AKAP9: variants seen among roughly 807,000 people sequenced by gnomAD.
AKAP9 encodes A-kinase anchor protein 9.
Under a neutral mutation model 488.5 loss-of-function variants are expected in AKAP9, and 311 were observed. The ratio of observed to expected loss-of-function variants is 0.64; its 90% CI spans 0.58 to 0.70. The LOEUF is 0.70. AKAP9 is among the 30% of genes least tolerant of loss of function. The pLI, the probability that AKAP9 is intolerant of heterozygous loss-of-function variation, is 0.00. For missense variants in AKAP9, 4,215 were observed against 4,374.5 expected, an observed-to-expected ratio of 0.96 and a Z score of 1.03; for synonymous variants, 1,462 against 1,483.5, an observed-to-expected ratio of 0.99 and a Z score of 0.33.
rs370477610 is a variant in AKAP9, at chr7:92,003,112, T to G, written c.3195T>G (p.Ser1065Arg). ...SFENMTVGEE[S>R]KQEQLILDHL... ...AAAATATGACTGTTGGAGAAGAAAG[T>G]AAGCAAGAACAGTTGATTTTGGATC... The change falls in exon 8 of 50, where the codon AGT (serine) becomes AGG (arginine). Residue 1065 changes from serine to arginine, a missense_variant. By Grantham distance (110) the Ser-to-Arg change is moderately radical. Around this residue, in one of 5 missense-constraint regions of AKAP9, gnomAD observed 2,361 missense variants for 2,430.0 expected, o/e 0.97. Coordinates refer to ENST00000356239, the MANE Select transcript of AKAP9 (RefSeq NM_005751.5). 1 of 1,611,906 alleles carries G rather than the reference T, an allele frequency of 6.2e-7. No individual in the cohort carries two copies. The highest frequency in any genetic ancestry group is 1.3e-5 in the African/African-American group (1 of 74,894).
rs764564465 is a variant in AKAP9 at position 92,083,382 on chromosome 7, C to G, written c.8373C>G (p.Ser2791Arg). ...ATGGGACTCTGAAGATCAGTAGCAGCAATCAGACTCCACAAATTCTTGTTA... is the reference window on the plus strand; with the variant it reads ...ATGGGACTCTGAAGATCAGTAGCAGGAATCAGACTCCACAAATTCTTGTTA... ...QTDGTLKISSSNQTPQILVKN... is the reference protein window; with the variant it reads ...QTDGTLKISSRNQTPQILVKN... The change falls in exon 33 of 50, where the codon AGC (serine) becomes AGG (arginine). Residue 2791 changes from serine to arginine, a missense_variant. This residue lies in a region of AKAP9 where 1,476 missense variants were observed against 1,477.4 expected (regional missense o/e 1.00). Coordinates refer to ENST00000356239, the MANE Select transcript of AKAP9 (RefSeq NM_005751.5). 6.2e-6 allele frequency: 10 copies of G among 1,613,804 alleles called. No individual in the cohort carries two copies. In the Admixed American group the frequency reaches 1.5e-4, roughly 24 times the overall value.
chr7:92,089,167 T>A (rs763954946), intron 37 of AKAP9, among the ~76,000 whole-genome samples: 1 of 152,188 alleles, frequency 6.6e-6, no homozygotes, highest in African/African-American at 2.4e-5. Flanking sequence ...TGTAAAAGAA[T>A]GTTCTTGTTT....
chr7:92,103,756 GATT>G (rs1818039232), intron 46 of AKAP9, among the ~76,000 whole-genome samples: 1 of 151,502 alleles, frequency 6.6e-6, no homozygotes, highest in African/African-American at 2.4e-5. Context: ...ATAAATAAAA[GATT>G]ATAAAATTTA....
intron 2 of AKAP9, among the ~76,000 whole-genome samples, chr7:91,975,304 C>T (rs370954640): frequency 2.2e-4 from 33 of 152,226 alleles, no homozygotes; most frequent in African/African-American, 7.7e-4. Flanking sequence ...AGGCATGAAC[C>T]ACTATGCCTG....
Position 92,002,274 on chromosome 7 carries a change from C to A in AKAP9, c.2357C>A (p.Thr786Asn), listed in dbSNP as rs1009580972. 1.2e-6 allele frequency: 2 copies of A among 1,609,350 alleles called. No individual in the cohort carries two copies. Among genetic ancestry groups the A allele is most frequent in the African/African-American group, 2.7e-5 (2 of 74,736 alleles). ...AGCATTCTTAAAGATGAAAAGAAAA[C>A]CCTTGAAGACATGTTGAAAATACAT... ...ENSILKDEKK[T>N]LEDMLKIHTP... Residue 786 changes from threonine to asparagine, a missense_variant, in exon 8 of 50, where the codon ACC becomes AAC. Thr to Asn is a moderately conservative substitution (Grantham distance 65). Coordinates refer to ENST00000356239, the MANE Select transcript of AKAP9 (RefSeq NM_005751.5).
chr7:91,988,836 T>A (rs1370570863), intron 3 of AKAP9, among the ~76,000 whole-genome samples: 1 of 152,192 alleles, frequency 6.6e-6, no homozygotes, highest in Non-Finnish European at 1.5e-5. Flanking sequence ...CTAGGGTACA[T>A]GTGCACAACA....
intron 24 of AKAP9, 142 bp downstream of exon 24, chr7:92,062,628 CT>C: frequency 1.4e-6 from 1 of 738,990 alleles, no homozygotes; most frequent in Non-Finnish European, 2.2e-6. Flanking sequence ...GAAAATCTAC[CT>C]TAGAGATAAA....
chr7:92,034,659 C>G (rs1055379684), intron 16 of AKAP9, among the ~76,000 whole-genome samples: 3 of 150,482 alleles, frequency 2.0e-5, no homozygotes, highest in Non-Finnish European at 4.4e-5. Flanking sequence ...CACCACCACA[C>G]CCAGCTAATT....
At chr7:92,070,805 T>TC (rs1554444963) in intron 27 of AKAP9, 100 bp from the exon 28 acceptor site, 2 of 448,670 alleles carry the variant, frequency 4.5e-6, no homozygotes, top group Non-Finnish European at 7.0e-6. Context: ...TTGCTGCTTC[T>TC]CAAAAAAAAA....
At chr7:92,051,455 G>C (rs1807971169) in intron 21 of AKAP9, among the ~76,000 whole-genome samples, 1 of 152,184 alleles carries the variant, frequency 6.6e-6, no homozygotes, top group African/African-American at 2.4e-5. Flanking sequence ...GATACAAAGT[G>C]AAAGTTGTAT....
At chr7:92,029,200 A>T (rs940452063) in intron 14 of AKAP9, among the ~76,000 whole-genome samples, 2 of 148,468 alleles carry the variant, frequency 1.3e-5, no homozygotes, top group African/African-American at 2.5e-5. Context: ...GAAAAAAAAA[A>T]TTTTTAATCA....
intron 16 of AKAP9, 115 bp from the exon 17 acceptor site, chr7:92,038,304 G>A: frequency 1.4e-6 from 1 of 728,568 alleles, no homozygotes. Flanking sequence ...TTTTTGTTTA[G>A]AACCGTGAGG....
intron 1 of AKAP9, 75 bp downstream of exon 1, chr7:91,941,222 CGG>C (rs2130423504): frequency 6.9e-7 from 1 of 1,442,984 alleles, no homozygotes; most frequent in East Asian, 2.3e-5. Context: ...GCCTGGGAAG[CGG>C]AGTTCGCCGC....
intron 29 of AKAP9, 119 bp from the exon 30 acceptor site, chr7:92,077,577 C>T (rs1812819413): frequency 2.7e-5 from 24 of 874,284 alleles, no homozygotes; most frequent in Admixed American, 2.6e-4. Context: ...TTACAGTAAC[C>T]ATATGGTGTC....
intron 1 of AKAP9, among the ~76,000 whole-genome samples, chr7:91,971,790 C>T (rs371421975): frequency 7.9e-5 from 12 of 151,304 alleles, no homozygotes; most frequent in South Asian, 2.1e-4. Flanking sequence ...AGGATGGTCT[C>T]GATCTCCTGA....
At chr7:92,073,545 A>G (rs1812088885) in intron 28 of AKAP9, among the ~76,000 whole-genome samples, 1 of 152,094 alleles carries the variant, frequency 6.6e-6, no homozygotes, top group African/African-American at 2.4e-5. Context: ...AATTAATCCA[A>G]ACATTAATTT....
chr7:92,094,917 T>C, intron 39 of AKAP9, 106 bp from the exon 40 acceptor site: 1 of 877,884 alleles, frequency 1.1e-6, no homozygotes, highest in Admixed American at 2.1e-5. Flanking sequence ...TCCTCTTAGC[T>C]AGTTTATTAT....
At chr7:92,041,041 A>T in intron 18 of AKAP9, 143 bp downstream of exon 18, 1 of 670,458 alleles carries the variant, frequency 1.5e-6, no homozygotes. Flanking sequence ...AATAAACTAC[A>T]TATATTTAGC....
chr7:91,960,966 T>A lies in AKAP9; in HGVS notation c.49-12745T>A, dbSNP rs1485664205. On this transcript the variant is annotated intron_variant, in intron 1 of 49. Transcript: ENST00000356239. ...AGTTTATGAAATTGTGTATTAACTT[T>A]TATCTCATTTATTTCTCACAACTTG... 2.0e-5 allele frequency among the ~76,000 whole-genome samples: 3 copies of A among 152,224 alleles called. No homozygotes were observed. The East Asian group carries it at 5.8e-4, about 29-fold the overall frequency.
Sources: allele counts gnomAD v4.1 joint callset (sites outside exome capture counted in the v4.1 genomes callset), GRCh38; gene constraint gnomAD v4.1.1; regional missense constraint gnomAD v4.1.1; transcripts MANE v1.5; gene names NCBI Gene and HGNC (gene_info 2026-07-23, HGNC 2026-07-21).